Variants in ARHGAP26 observed in about 807,000 individuals in gnomAD.
The protein encoded by ARHGAP26 is rho GTPase-activating protein 26.
In ARHGAP26, 38 loss-of-function variants were observed where a neutral mutation model predicts 104.8. That is an observed-to-expected ratio of 0.36 (90% CI 0.28 to 0.48). ARHGAP26 has a LOEUF of 0.48. ARHGAP26 is among the 20% of genes least tolerant of loss of function. ARHGAP26 has a pLI of 0.99. For synonymous variants in ARHGAP26, 341 were observed against 340.0 expected (o/e 1.00, Z -0.03); for missense variants, 704 against 947.9 (o/e 0.74, Z 3.38).
intron 20 of ARHGAP26, among the ~76,000 whole-genome samples, chr5:143,195,150 T>C (rs1806623735): frequency 6.6e-6 from 1 of 152,260 alleles, no homozygotes. Context: ...TCTCTCTCTG[T>C]CTCATCTGCC....
intron 17 of ARHGAP26, among the ~76,000 whole-genome samples, chr5:143,110,741 A>G (rs1794679784): frequency 6.6e-6 from 1 of 152,240 alleles, no homozygotes; most frequent in Non-Finnish European, 1.5e-5. Flanking sequence ...AATTTAAAAT[A>G]GTTAAGTAAT....
chr5:142,987,707 A>G (rs1382700361), intron 11 of ARHGAP26, among the ~76,000 whole-genome samples: 2 of 151,926 alleles, frequency 1.3e-5, no homozygotes, highest in African/African-American at 4.8e-5. Flanking sequence ...TAGCATGAAG[A>G]GCTGTTGAAT....
chr5:142,788,780 G>GGATA (rs1759184481), intron 1 of ARHGAP26, among the ~76,000 whole-genome samples: 1 of 152,228 alleles, frequency 6.6e-6, no homozygotes, highest in East Asian at 1.9e-4. Flanking sequence ...ATTGGTATCT[G>GGATA]TTGGGAGTCC....
chr5:142,987,315 G>A (rs1229304072), intron 11 of ARHGAP26, among the ~76,000 whole-genome samples: 2 of 152,080 alleles, frequency 1.3e-5, no homozygotes, highest in East Asian at 1.9e-4. Context: ...TTGGTGTATA[G>A]GAATGCTTGT....
At chr5:143,012,937 A>G (rs1779099955) in intron 11 of ARHGAP26, among the ~76,000 whole-genome samples, 1 of 151,972 alleles carries the variant, frequency 6.6e-6, no homozygotes, top group African/African-American at 2.4e-5. Context: ...TCCAGGCATG[A>G]GCCACTGTGC....
At chr5:143,058,109 A>T in intron 17 of ARHGAP26, 1 of 467,334 alleles carries the variant, frequency 2.1e-6, no homozygotes, top group East Asian at 4.1e-5. Flanking sequence ...AAACAAAAAT[A>T]TGTTGTGGGT....
rs187352953 is a variant in ARHGAP26 at position 143,055,617 on chromosome 5, T to G, written c.1374-411T>G. ...CCACCACAACACCTACAAAAATCTT[T>G]TATAGTGTTTCTAGATGAATTGATT... On this transcript the variant is annotated intron_variant, in intron 15 of 22. Transcript: ENST00000645722. Among the ~76,000 whole-genome samples the G allele has an allele frequency of 5.0e-3, 755 of 152,326 alleles. 6 individuals carry two copies. Among genetic ancestry groups the G allele is most frequent in the African/African-American group, 0.017 (705 of 41,584 alleles).
intron 11 of ARHGAP26, among the ~76,000 whole-genome samples, chr5:142,977,141 G>A (rs568549917): frequency 1.3e-5 from 2 of 152,350 alleles, no homozygotes; most frequent in South Asian, 4.1e-4. Flanking sequence ...AGAAGTTTTA[G>A]TTAGAAAGTG....
In ARHGAP26 at chr5:142,995,571, A is replaced by T. The variant is rs1027562104; in HGVS notation, c.1108-18509A>T. ...GCTTTTACACTGTTGGTGGGAGTGT[A>T]AATTAGTTCAACCGTTGTGGAAGAC... On this transcript the variant is annotated intron_variant, in intron 11 of 22. Coordinates refer to ENST00000645722, the MANE Select transcript of ARHGAP26 (RefSeq NM_001135608.3). Among the ~76,000 whole-genome samples the T allele has an allele frequency of 3.3e-5, 5 of 152,362 alleles. No homozygotes were observed. In the East Asian group the frequency reaches 9.6e-4, roughly 29 times the overall value.
At chr5:142,772,595 T>C in intron 1 of ARHGAP26, 1 of 395,770 alleles carries the variant, frequency 2.5e-6, no homozygotes, top group Non-Finnish European at 5.0e-6. Flanking sequence ...CTGCTTCACA[T>C]ATAATTATCT....
intron 11 of ARHGAP26, among the ~76,000 whole-genome samples, chr5:142,957,656 T>C (rs75477691): frequency 0.013 from 1,981 of 152,354 alleles, 43 homozygotes; most frequent in African/African-American, 0.045. Context: ...TTTTATTCTC[T>C]GCTACCGTGT....
intron 11 of ARHGAP26, among the ~76,000 whole-genome samples, chr5:142,953,538 G>A (rs1293515254): frequency 6.6e-6 from 1 of 152,180 alleles, no homozygotes; most frequent in African/African-American, 2.4e-5. Flanking sequence ...TCTAGTTCAA[G>A]CACCTGCTTG....
intron 12 of ARHGAP26, among the ~76,000 whole-genome samples, chr5:143,022,618 G>A (rs575644266): frequency 1.8e-3 from 277 of 152,282 alleles, no homozygotes; most frequent in African/African-American, 6.3e-3. Context: ...CTTAACACAA[G>A]GCTAAGTTTT....
At chr5:143,177,439 T>C (rs1803633590) in intron 20 of ARHGAP26, among the ~76,000 whole-genome samples, 1 of 152,130 alleles carries the variant, frequency 6.6e-6, no homozygotes, top group Admixed American at 6.6e-5. Context: ...GCCAAGACGC[T>C]CAGTCATGGT....
intron 17 of ARHGAP26, among the ~76,000 whole-genome samples, chr5:143,110,664 C>T (rs1414398131): frequency 6.6e-6 from 1 of 152,136 alleles, no homozygotes; most frequent in East Asian, 1.9e-4. Flanking sequence ...AATGTGGAAG[C>T]ATTTTATAAA....
chr5:142,958,436 G>T (rs922242258), intron 11 of ARHGAP26, among the ~76,000 whole-genome samples: 7 of 152,176 alleles, frequency 4.6e-5, no homozygotes, highest in Admixed American at 3.3e-4. Context: ...GGAGGCCAAG[G>T]CAGGGGGATT....
intron 18 of ARHGAP26, among the ~76,000 whole-genome samples, chr5:143,127,687 A>G (rs1018634325): frequency 1.6e-4 from 24 of 152,230 alleles, no homozygotes; most frequent in African/African-American, 5.1e-4. Flanking sequence ...TGGGCCACCA[A>G]TCTGCCTTGA....
At chr5:142,849,880 C>T (rs1170619313) in intron 1 of ARHGAP26, among the ~76,000 whole-genome samples, 1 of 152,184 alleles carries the variant, frequency 6.6e-6, no homozygotes, top group Non-Finnish European at 1.5e-5. Context: ...GGCACAACCT[C>T]TGGACCCACA....
chr5:143,054,593 T>G, intron 15 of ARHGAP26, 67 bp downstream of exon 15: 1 of 1,196,914 alleles, frequency 8.4e-7, no homozygotes, highest in Non-Finnish European at 1.2e-6. Flanking sequence ...GAAAGCAGTT[T>G]TATTTTCAGA....
Sources: gnomAD v4.1 joint callset for allele counts (sites outside exome capture counted in the v4.1 genomes callset) on GRCh38, gnomAD v4.1.1 for gene constraint, MANE v1.5 for transcripts, NCBI Gene and HGNC (gene_info 2026-07-23, HGNC 2026-07-21) for gene names.